The following ADCY2 variants were observed in gnomAD, a reference collection of about 807,000 sequenced individuals.
ADCY2 encodes adenylate cyclase type 2.
ADCY2 carries 31 observed loss-of-function variants against 125.2 expected under a neutral mutation model. That is an observed-to-expected ratio of 0.25 (90% CI 0.19 to 0.33). ADCY2 has a LOEUF of 0.33. Among genes scored for constraint, ADCY2 ranks in the 10% least tolerant of loss-of-function variants. ADCY2 has a pLI of 1.00. For missense variants in ADCY2, 904 were observed against 1,418.2 expected, an observed-to-expected ratio of 0.64 and a Z score of 5.82; for synonymous variants, 512 against 548.4, an observed-to-expected ratio of 0.93 and a Z score of 0.93.
chr5:7,749,155 G>A (rs901856087), intron 15 of ADCY2, among the ~76,000 whole-genome samples: 2 of 152,168 alleles, frequency 1.3e-5, no homozygotes, highest in Non-Finnish European at 2.9e-5. Flanking sequence ...ACTTCACATA[G>A]TACCTATTCT....
At chr5:7,447,413 A>C (rs971288782) in intron 2 of ADCY2, among the ~76,000 whole-genome samples, 2 of 152,120 alleles carry the variant, frequency 1.3e-5, no homozygotes, top group African/African-American at 4.8e-5. Context: ...CAAGTCTCTT[A>C]TAGGGATCCC....
At chr5:7,704,163 G>A (rs147168792) in intron 7 of ADCY2, among the ~76,000 whole-genome samples, 1 of 152,010 alleles carries the variant, frequency 6.6e-6, no homozygotes, top group Admixed American at 6.5e-5. Context: ...GCGTGGGATG[G>A]GTACCAGACA....
At chr5:7,448,148 T>C (rs1197029894) in intron 2 of ADCY2, among the ~76,000 whole-genome samples, 1 of 152,220 alleles carries the variant, frequency 6.6e-6, no homozygotes, top group Non-Finnish European at 1.5e-5. Context: ...CACAAGACCC[T>C]GAGGTAGGGA....
In ADCY2 at chr5:7,709,375, G is replaced by T; in HGVS notation, c.1566G>T (p.Lys522Asn). 6.2e-7 allele frequency: 1 copy of T among 1,603,466 alleles called. No individual in the cohort carries two copies. ...ACAGCATGACCACAGAGAACGGCAA[G>T]ATCAGCACCACGGTATGCCCTCCCC... ...HRDSMTTENG[K>N]ISTTDVPMGQ... The change falls in exon 10 of 25, where the codon AAG becomes AAT. Residue 522 changes from lysine to asparagine, a missense_variant. Around this residue, in one of 7 missense-constraint regions of ADCY2, gnomAD observed 144 missense variants for 227.7 expected, o/e 0.63. Coordinates refer to ENST00000338316, the MANE Select transcript of ADCY2 (RefSeq NM_020546.3). This position sits in a 1 kb window ranked among gnomAD's most constrained non-coding sequence, Gnocchi z 4.4.
At chr5:7,597,486 C>T (rs1377769621) in intron 3 of ADCY2, among the ~76,000 whole-genome samples, 1 of 152,188 alleles carries the variant, frequency 6.6e-6, no homozygotes, top group Non-Finnish European at 1.5e-5. Flanking sequence ...GTAAAGAATG[C>T]AGTAGTGGCC....
intron 4 of ADCY2, among the ~76,000 whole-genome samples, chr5:7,664,374 A>G (rs1013384751): frequency 6.6e-6 from 1 of 152,152 alleles, no homozygotes; most frequent in Non-Finnish European, 1.5e-5. Context: ...TAAGACTTTC[A>G]CTTTCAGAGA....
rs1283137634 is a variant in ADCY2, at chr5:7,611,794, A to T, written c.571-14373A>T. Among the ~76,000 whole-genome samples, 5 of 152,164 alleles carry T rather than the reference A, an allele frequency of 3.3e-5. No individual in the cohort carries two copies. The East Asian group carries it at 9.6e-4, about 29-fold the overall frequency. ...AAAACACTGTCATGCTTCCTAAGAG[A>T]AGTGTGCCCAGTAAGCATAAGTGTG... On this transcript the variant is annotated intron_variant, in intron 3 of 24. Coordinates refer to ENST00000338316, the MANE Select transcript of ADCY2 (RefSeq NM_020546.3).
At chr5:7,542,770 T>A (rs1735033941) in intron 3 of ADCY2, among the ~76,000 whole-genome samples, 1 of 152,220 alleles carries the variant, frequency 6.6e-6, no homozygotes. Flanking sequence ...ATTGTAAGTG[T>A]CAATCACTTC....
At chr5:7,433,428 G>A (rs945797255) in intron 2 of ADCY2, among the ~76,000 whole-genome samples, 1 of 151,998 alleles carries the variant, frequency 6.6e-6, no homozygotes, top group African/African-American at 2.4e-5. Flanking sequence ...GTGTGTGTGT[G>A]TGCACACACA....
chr5:7,516,010 C>T (rs749445982), intron 2 of ADCY2, among the ~76,000 whole-genome samples: 7 of 152,134 alleles, frequency 4.6e-5, no homozygotes, highest in Non-Finnish European at 7.3e-5. Flanking sequence ...CACGTGAGAC[C>T]TGTGCATTCA....
chr5:7,535,147 T>G (rs554675036), intron 3 of ADCY2, among the ~76,000 whole-genome samples: 2 of 152,234 alleles, frequency 1.3e-5, no homozygotes, highest in East Asian at 3.9e-4. Flanking sequence ...TACAAGTGAT[T>G]CTCCTGCCTC....
intron 3 of ADCY2, among the ~76,000 whole-genome samples, chr5:7,622,433 A>T (rs1737984159): frequency 6.6e-6 from 1 of 152,212 alleles, no homozygotes; most frequent in African/African-American, 2.4e-5. Context: ...ATCATATTCT[A>T]TTTGACATTA....
At chr5:7,804,357 G>T (rs962549429) in intron 21 of ADCY2, among the ~76,000 whole-genome samples, 2 of 152,184 alleles carry the variant, frequency 1.3e-5, no homozygotes, top group African/African-American at 2.4e-5. Flanking sequence ...GCTAATTCGT[G>T]TTCCTTGGAA....
intron 7 of ADCY2, among the ~76,000 whole-genome samples, chr5:7,702,961 C>A (rs554720595): frequency 6.6e-6 from 1 of 152,184 alleles, no homozygotes; most frequent in East Asian, 1.9e-4. Context: ...TTTTGATTTA[C>A]ATTTCTCTGA....
intron 7 of ADCY2, among the ~76,000 whole-genome samples, chr5:7,701,304 T>A (rs1741069142): frequency 6.6e-6 from 1 of 152,224 alleles, no homozygotes; most frequent in African/African-American, 2.4e-5. Context: ...AAGCCTTGTT[T>A]CTGCTTTTGA....
chr5:7,709,277 G>A lies in ADCY2; in HGVS notation c.1468G>A (p.Ala490Thr). ...RHTLDGAKMR[A>T]SVRMTRYLES... ...CACCCTTGATGGAGCCAAAATGAGG[G>A]CCTCGGTCCGCATGACCCGGTACTT... is the stretch of plus-strand genomic sequence containing the variant. Residue 490 changes from alanine (A) to threonine (T), a missense_variant, in exon 10 of 25, where the codon GCC becomes ACC. By Grantham distance (58) the Ala-to-Thr change is moderately conservative. Around this residue, in one of 7 missense-constraint regions of ADCY2, gnomAD observed 144 missense variants for 227.7 expected, o/e 0.63. Coordinates refer to ENST00000338316, the MANE Select transcript of ADCY2 (RefSeq NM_020546.3). This position sits in a 1 kb window ranked among gnomAD's most constrained non-coding sequence, Gnocchi z 4.4. 6.2e-7 allele frequency: 1 copy of A among 1,613,800 alleles called. No individual in the cohort carries two copies. The highest frequency in any genetic ancestry group is 8.5e-7 in the Non-Finnish European group (1 of 1,179,922).
At chr5:7,755,528 T>C (rs180961863) in intron 15 of ADCY2, among the ~76,000 whole-genome samples, 1 of 152,316 alleles carries the variant, frequency 6.6e-6, no homozygotes, top group East Asian at 1.9e-4. Context: ...GTTTTCTTCA[T>C]TGAAATAACA....
intron 16 of ADCY2, 131 bp downstream of exon 16, chr5:7,757,717 C>T: frequency 7.5e-7 from 1 of 1,331,078 alleles, no homozygotes; most frequent in South Asian, 1.7e-5. Context: ...TCAACATGCT[C>T]AGCCCCGGGG....
At chr5:7,724,114 C>CAAAAAAAAA (rs1272949604) in intron 12 of ADCY2, among the ~76,000 whole-genome samples, 1 of 76,560 alleles carries the variant, frequency 1.3e-5, no homozygotes, top group African/African-American at 5.3e-5. Flanking sequence ...TAGAAGCTAA[C>CAAAAAAAAA]AAAAAAAAAA....
Sources: gnomAD v4.1 joint callset for allele counts (sites outside exome capture counted in the v4.1 genomes callset) on GRCh38, gnomAD v4.1.1 for gene constraint, gnomAD v4.1.1 regional missense constraint, Gnocchi (gnomAD v3.1) non-coding constraint, MANE v1.5 for transcripts, NCBI Gene and HGNC (gene_info 2026-07-23, HGNC 2026-07-21) for gene names.